Variants in HDAC8 observed in about 807,000 individuals in gnomAD.
The protein encoded by HDAC8 is histone deacetylase 8.
A neutral mutation model predicts 32.2 loss-of-function variants in HDAC8; 1 was observed. The ratio of observed to expected loss-of-function variants is 0.03; its 90% CI spans 0.01 to 0.15. HDAC8 has a LOEUF of 0.15. Among genes scored for constraint, HDAC8 ranks in the 10% least tolerant of loss-of-function variants. The pLI is 1.00. For missense variants in HDAC8, 117 were observed against 300.0 expected (o/e 0.39, Z 4.51); for synonymous variants, 108 against 113.9 (o/e 0.95, Z 0.33).
At chrX:72,545,876 G>A (rs1280602632) in intron 4 of HDAC8, among the ~76,000 whole-genome samples, 1 of 111,908 alleles carries the variant, frequency 8.9e-6, no homozygotes, top group Non-Finnish European at 1.9e-5. Context: ...TTGAGGCAAT[G>A]TTGCTGATAC....
At chrX:72,410,095 G>A (rs1555969768) in intron 9 of HDAC8, among the ~76,000 whole-genome samples, 1 of 110,999 alleles carries the variant, frequency 9.0e-6, no homozygotes, top group African/African-American at 3.3e-5. Flanking sequence ...GAGCTACAAA[G>A]GCTAAAGATT....
At chrX:72,356,175 G>A (rs959177341) in intron 9 of HDAC8, among the ~76,000 whole-genome samples, 4 of 111,870 alleles carry the variant, frequency 3.6e-5, no homozygotes, top group Non-Finnish European at 7.5e-5. Flanking sequence ...GTGTGGAGCG[G>A]AGATTTGAAC....
rs1471512166 is a variant in HDAC8, at chrX:72,462,140, T to C, written c.911-42A>G. The C allele has an allele frequency of 1.1e-5, 11 of 1,005,270 alleles. No individual in the cohort carries two copies. In the African/African-American group the frequency reaches 1.5e-4, roughly 14 times the overall value. 82.8% of individuals were successfully genotyped at this position (1,005,270 alleles called of 1,213,427 possible). On this transcript the variant is annotated intron_variant, in intron 8 of 10. Coordinates refer to ENST00000373573, the MANE Select transcript of HDAC8 (RefSeq NM_018486.3). ...TTGTGAAGTTAGGAAAGAATAGTCA[T>C]AAAACAGCAGGAGAGGGAAGGGGGG... is the stretch of plus-strand genomic sequence containing the variant.
chrX:72,555,180 C>T (rs2051241447), intron 4 of HDAC8, among the ~76,000 whole-genome samples: 1 of 111,820 alleles, frequency 8.9e-6, no homozygotes, highest in Non-Finnish European at 1.9e-5. Context: ...CTTAGGGAGC[C>T]CCATTCCTAG....
intron 7 of HDAC8, among the ~76,000 whole-genome samples, chrX:72,485,840 G>C (rs2048653764): frequency 9.0e-6 from 1 of 111,587 alleles, no homozygotes; most frequent in Admixed American, 9.5e-5. Flanking sequence ...GATGAAAAGG[G>C]GCTAGGCGTG....
At chrX:72,414,358 C>G (rs1336451849) in intron 9 of HDAC8, among the ~76,000 whole-genome samples, 1 of 111,617 alleles carries the variant, frequency 9.0e-6, no homozygotes, top group African/African-American at 3.3e-5. Flanking sequence ...CAAAACAACT[C>G]AAAGGAAATA....
chrX:72,390,428 C>T (rs2045582384), intron 9 of HDAC8, among the ~76,000 whole-genome samples: 1 of 112,372 alleles, frequency 8.9e-6, no homozygotes. Flanking sequence ...ATTCACTCTT[C>T]TAGCTATTTG....
At chrX:72,387,331 G>A (rs971736083) in intron 9 of HDAC8, among the ~76,000 whole-genome samples, 11 of 112,116 alleles carry the variant, frequency 9.8e-5, no homozygotes, top group African/African-American at 3.2e-4. Flanking sequence ...GTGCTATCTC[G>A]TGCTTAAGGA....
chrX:72,489,142 G>T (rs1489867895), intron 6 of HDAC8, 101 bp from the exon 7 acceptor site: 7 of 522,302 alleles, frequency 1.3e-5, no homozygotes, highest in Non-Finnish European at 2.2e-5. Flanking sequence ...AAGAAATTAA[G>T]AAAAATTATA....
intron 4 of HDAC8, among the ~76,000 whole-genome samples, chrX:72,560,430 G>T (rs1445755769): frequency 9.3e-6 from 1 of 108,045 alleles, no homozygotes; most frequent in Non-Finnish European, 1.9e-5. Context: ...ACTGTGGAAG[G>T]CCGCAGGGTC....
intron 7 of HDAC8, among the ~76,000 whole-genome samples, chrX:72,482,699 C>G (rs782280412): frequency 9.0e-6 from 1 of 111,619 alleles, no homozygotes; most frequent in Admixed American, 9.5e-5. Flanking sequence ...AAGTTTCTCA[C>G]TTCCATGTGA....
rs1167231868 is a variant in HDAC8 at position 72,446,809 on chromosome X, C to A, written c.1005+15195G>T. Among the ~76,000 whole-genome samples, 5 of 111,460 alleles carry A rather than the reference C, an allele frequency of 4.5e-5. No homozygotes were observed. The Admixed American group carries it at 4.8e-4, about 11-fold the overall frequency. On this transcript the variant is annotated intron_variant, in intron 9 of 10. Transcript: ENST00000373573. ...CTACCATCAGAGAATAATATAAACA[C>A]CTCTACACGAATAAATTAGAAAATC...
chrX:72,447,582 G>A (rs2047445016), intron 9 of HDAC8, among the ~76,000 whole-genome samples: 1 of 111,674 alleles, frequency 9.0e-6, no homozygotes, highest in African/African-American at 3.3e-5. Flanking sequence ...TGGAATTTCT[G>A]GCCAGGGCAA....
chrX:72,361,120 G>C (rs2044536939), intron 9 of HDAC8, among the ~76,000 whole-genome samples: 4 of 111,151 alleles, frequency 3.6e-5, no homozygotes, highest in African/African-American at 1.3e-4. Flanking sequence ...ATAGAAACCT[G>C]GTGTCCTGTC....
intron 9 of HDAC8, among the ~76,000 whole-genome samples, chrX:72,455,085 G>A (rs1308693880): frequency 8.9e-6 from 1 of 112,063 alleles, no homozygotes; most frequent in Non-Finnish European, 1.9e-5. Flanking sequence ...TGAATGGTTG[G>A]CAACAAACAT....
At chrX:72,353,548 C>A (rs1555949581) in intron 9 of HDAC8, among the ~76,000 whole-genome samples, 1 of 111,812 alleles carries the variant, frequency 8.9e-6, no homozygotes, top group African/African-American at 3.2e-5. Flanking sequence ...ACCATTACCC[C>A]CTTTCCCCTG....
intron 9 of HDAC8, among the ~76,000 whole-genome samples, chrX:72,410,164 T>C (rs1313605400): frequency 9.0e-6 from 1 of 110,940 alleles, no homozygotes; most frequent in Non-Finnish European, 1.9e-5. Context: ...CAGGAAGGTC[T>C]GGGTGGAGCT....
intron 4 of HDAC8, among the ~76,000 whole-genome samples, chrX:72,515,890 C>A (rs2049788185): frequency 1.8e-5 from 2 of 111,976 alleles, no homozygotes; most frequent in African/African-American, 6.5e-5. Flanking sequence ...TTTAAAAGTG[C>A]AGAGGGACTA....
intron 7 of HDAC8, among the ~76,000 whole-genome samples, chrX:72,481,424 T>A (rs1171296289): frequency 8.9e-6 from 1 of 111,891 alleles, no homozygotes; most frequent in Non-Finnish European, 1.9e-5. Flanking sequence ...TGTTCTCACA[T>A]GCAAATTTCT....
Sources: gnomAD v4.1 joint callset for allele counts (sites outside exome capture counted in the v4.1 genomes callset) on GRCh38, gnomAD v4.1.1 for gene constraint, MANE v1.5 for transcripts, NCBI Gene and HGNC (gene_info 2026-07-23, HGNC 2026-07-21) for gene names.